The following BHLHE40 variants were observed in gnomAD, a reference collection of about 807,000 sequenced individuals.
BHLHE40 encodes the protein basic helix-loop-helix family member e40.
BHLHE40 carries 3 observed loss-of-function variants against 35.7 expected under a neutral mutation model. That is an observed-to-expected ratio of 0.08 (90% CI 0.04 to 0.22). BHLHE40 has a LOEUF of 0.22. BHLHE40 is among the 10% of genes least tolerant of loss of function. The pLI, the probability that BHLHE40 is intolerant of heterozygous loss-of-function variation, is 1.00. For missense variants in BHLHE40, 486 were observed against 524.0 expected (o/e 0.93, Z 0.71); for synonymous variants, 236 against 213.0 (o/e 1.11, Z -0.94).
intron 4 of BHLHE40, among the ~76,000 whole-genome samples, chr3:4,982,385 G>T (rs2053205414): frequency 1.3e-5 from 2 of 152,190 alleles, no homozygotes; most frequent in African/African-American, 2.4e-5. Context: ...GGTGATTGTT[G>T]TTTCTTCATT....
At chr3:4,981,585 T>C in intron 4 of BHLHE40, 70 bp downstream of exon 4, 1 of 1,556,598 alleles carries the variant, frequency 6.4e-7, no homozygotes, top group African/African-American at 1.4e-5. Flanking sequence ...GGGCTCAACA[T>C]CTGATGTAAT....
At chr3:4,982,084 T>C (rs1049757223) in intron 4 of BHLHE40, among the ~76,000 whole-genome samples, 1 of 152,246 alleles carries the variant, frequency 6.6e-6, no homozygotes, top group Non-Finnish European at 1.5e-5. Flanking sequence ...GTCAACCTTC[T>C]AACCTTCTAG....
Position 4,979,949 on chromosome 3 carries a change from TCTCTTCCTGCAGGATGTACCCTGCCCA to T in BHLHE40, c.81-11_96del. 6.2e-7 allele frequency: 1 copy of T among 1,614,036 alleles called. No homozygotes were observed. The highest frequency in any genetic ancestry group is 8.5e-7 in the Non-Finnish European group (1 of 1,179,944). On this transcript the variant is annotated splice_acceptor_variant and splice_polypyrimidine_tract_variant and coding_sequence_variant and intron_variant, in exon 2 of 5. Coordinates refer to ENST00000256495, the MANE Select transcript of BHLHE40 (RefSeq NM_003670.3). LOFTEE classifies it high-confidence loss of function. ...CAAGCAGTCACGACCCTTCCTGGTC[TCTCTTCCTGCAGGATGTACCCTGCCCA>T]CATGTACCAAGTGTACAAGTCAAGA... is the stretch of plus-strand genomic sequence containing the variant.
At chr3:4,980,188 C>T (rs568252614) in intron 2 of BHLHE40, 113 bp from the exon 3 acceptor site, 97 of 1,144,168 alleles carry the variant, frequency 8.5e-5, no homozygotes, top group Non-Finnish European at 1.2e-4. Flanking sequence ...GACGATGGTT[C>T]TGGGTGCTAC....
At position 4,979,561 on chromosome 3, in the gene BHLHE40, C is replaced by T; in HGVS notation, c.-158C>T. 1.3e-6 allele frequency: 1 copy of T among 777,392 alleles called. No individual in the cohort carries two copies. Among genetic ancestry groups the T allele is most frequent in the Non-Finnish European group, 2.0e-6 (1 of 493,982 alleles). The allele number at this position is 777,392 out of a possible 1,614,324, so 48.2% of individuals were successfully genotyped here. ...TGCACGCCCCCAACTGAAGCTGCATCTCAAAGCCGAAGATTCCAGCAGCCC... is the reference window on the plus strand; with the variant it reads ...TGCACGCCCCCAACTGAAGCTGCATTTCAAAGCCGAAGATTCCAGCAGCCC... On this transcript the variant is annotated 5_prime_UTR_variant, in exon 1 of 5. Transcript: ENST00000256495.
In BHLHE40 at chr3:4,983,973, C is replaced by T; in HGVS notation, c.*281C>T. 2.4e-6 allele frequency: 1 copy of T among 423,016 alleles called. No homozygotes were observed. Among genetic ancestry groups the T allele is most frequent in the Non-Finnish European group, 4.2e-6 (1 of 236,746 alleles). The allele number at this position is 423,016 out of a possible 1,614,324, so 26.2% of individuals were successfully genotyped here. The stretch of plus-strand genomic sequence containing the variant: ...TCAGGAGACTTGGGGGGGATTGTAG[C>T]AGACGTCTGGGCTTTTCCCCACCCA... On this transcript the variant is annotated 3_prime_UTR_variant, in exon 5 of 5. Transcript: ENST00000256495. The surrounding 1 kb of genome is among the most constrained non-coding windows in gnomAD (Gnocchi z 5.0).
chr3:4,983,850 G>GTGTGTGTA lies in BHLHE40; in HGVS notation c.*163_*164insGTATGTGT, dbSNP rs1553562125. 5.0e-4 allele frequency: 475 copies of GTGTGTGTA among 957,566 alleles called. 1 individual carries two copies. Among genetic ancestry groups the GTGTGTGTA allele is most frequent in the African/African-American group, 2.1e-3 (124 of 60,046 alleles). 59.3% of individuals were successfully genotyped at this position (957,566 alleles called of 1,614,324 possible). On this transcript the variant is annotated 3_prime_UTR_variant, in exon 5 of 5. Coordinates refer to ENST00000256495, the MANE Select transcript of BHLHE40 (RefSeq NM_003670.3). This position sits in a 1 kb window ranked among gnomAD's most constrained non-coding sequence, Gnocchi z 5.0. ...TCAGGGTGTGTGTGTGTGTGTGTGTGTGTGTATGTGCGTGTGCGTGCACAT... is the reference window on the plus strand; with the variant it reads ...TCAGGGTGTGTGTGTGTGTGTGTGTGTGTGTGTATGTGTATGTGCGTGTGCGTGCACAT...
At position 4,979,438 on chromosome 3, in the gene BHLHE40, T is replaced by A; in HGVS notation, c.-281T>A. 6.9e-6 allele frequency: 1 copy of A among 144,200 alleles called. No individual in the cohort carries two copies. Among genetic ancestry groups the A allele is most frequent in the Non-Finnish European group, 1.5e-5 (1 of 67,804 alleles). The allele number at this position is 144,200 out of a possible 1,614,324, so 8.9% of individuals were successfully genotyped here. ...GCCTCCCCGCCCGCCCCACTTCTCA[T>A]TCACTTGGCTCGCACGGCGCAGACA... On this transcript the variant is annotated 5_prime_UTR_variant, in exon 1 of 5. Transcript: ENST00000256495.
chr3:4,981,185 TACACACACACACAC>T (rs10549138), intron 3 of BHLHE40, among the ~76,000 whole-genome samples, 193 bp from the exon 4 acceptor site: 83 of 143,872 alleles, frequency 5.8e-4, no homozygotes, highest in South Asian at 2.8e-3. Flanking sequence ...TATATATATA[TACACACACACACAC>T]ACACACACAC....
At chr3:4,980,173 G>T in intron 2 of BHLHE40, 128 bp from the exon 3 acceptor site, 1 of 1,127,492 alleles carries the variant, frequency 8.9e-7, no homozygotes, top group Non-Finnish European at 1.3e-6. Flanking sequence ...GGAAAAGAAA[G>T]GGCAGACGAT....
Position 4,979,732 on chromosome 3 carries a change from C to G in BHLHE40, c.14C>G (p.Pro5Arg). ...GCTCGCCGCGCCATGGAGCGGATCC[C>G]CAGCGCGCAACCACCCCCCGCCTGC... MERI[P>R]SAQPPPACLP... Residue 5 changes from proline (P) to arginine (R), a missense_variant, in exon 1 of 5, where the codon CCC becomes CGC. Pro to Arg is a moderately radical substitution (Grantham distance 103). Around this residue, in one of 5 missense-constraint regions of BHLHE40, gnomAD observed 87 missense variants for 66.7 expected, o/e 1.30. Coordinates refer to ENST00000256495, the MANE Select transcript of BHLHE40 (RefSeq NM_003670.3). The G allele has an allele frequency of 6.4e-7, 1 of 1,567,074 alleles. No homozygotes were observed. The highest frequency in any genetic ancestry group is 8.6e-7 in the Non-Finnish European group (1 of 1,156,106).
At chr3:4,981,348 G>A in intron 3 of BHLHE40, 44 bp from the exon 4 acceptor site, 1 of 1,587,050 alleles carries the variant, frequency 6.3e-7, no homozygotes, top group Non-Finnish European at 8.6e-7. Context: ...CCAAAGGTGG[G>A]ACTTCTCTGA....
At chr3:4,981,169 A>C (rs945439475) in intron 3 of BHLHE40, among the ~76,000 whole-genome samples, 1 of 108,830 alleles carries the variant, frequency 9.2e-6, no homozygotes, top group Admixed American at 1.1e-4. Flanking sequence ...AATTATATAT[A>C]TATATTATAT....
rs146285805 is a variant in BHLHE40, at chr3:4,983,194, A to T, written c.741A>T (p.Gly247=). Residue 247 remains glycine (G), a synonymous_variant, in exon 5 of 5, where the codon GGA becomes GGT. Transcript: ENST00000256495. The surrounding 1 kb of genome is among the most constrained non-coding windows in gnomAD (Gnocchi z 5.0). Reference sequence around the variant, plus strand: ...CGGACACAGACAGTGGCTATGGAGGAGAATCGGAGAAGGGCGACTTGCGCA... The same window carrying T: ...CGGACACAGACAGTGGCTATGGAGGTGAATCGGAGAAGGGCGACTTGCGCA... ...SDTDTDSGYG[G]ESEKGDLRSE... 1.9e-6 allele frequency: 3 copies of T among 1,614,046 alleles called. No individual in the cohort carries two copies. In the African/African-American group the frequency reaches 4.0e-5, roughly 22 times the overall value.
chr3:4,983,010 G>C lies in BHLHE40; in HGVS notation c.557G>C (p.Gly186Ala). Reference sequence around the variant, plus strand: ...GTGGTCTCGGAGCTGCTGCAGGGTGGTACCTCCAGGAAGCCATCAGACCCA... The same window carrying C: ...GTGGTCTCGGAGCTGCTGCAGGGTGCTACCTCCAGGAAGCCATCAGACCCA... ...HRVVSELLQG[G>A]TSRKPSDPAP... Residue 186 changes from glycine (G) to alanine (A), a missense_variant, in exon 5 of 5, where the codon GGT becomes GCT. By Grantham distance (60) the Gly-to-Ala change is moderately conservative. Around this residue, in one of 5 missense-constraint regions of BHLHE40, gnomAD observed 176 missense variants for 180.5 expected, o/e 0.98. Coordinates refer to ENST00000256495, the MANE Select transcript of BHLHE40 (RefSeq NM_003670.3). The surrounding 1 kb of genome is among the most constrained non-coding windows in gnomAD (Gnocchi z 5.0). 1.2e-6 allele frequency: 2 copies of C among 1,613,674 alleles called. No homozygotes were observed. Among genetic ancestry groups the C allele is most frequent in the Non-Finnish European group, 1.7e-6 (2 of 1,179,650 alleles).
chr3:4,979,556 T>A lies in BHLHE40; in HGVS notation c.-163T>A, dbSNP rs558910060. 1.4e-6 allele frequency: 1 copy of A among 721,342 alleles called. No individual in the cohort carries two copies. Among genetic ancestry groups the A allele is most frequent in the East Asian group, 2.7e-5 (1 of 36,828 alleles). The allele number at this position is 721,342 out of a possible 1,614,324, so 44.7% of individuals were successfully genotyped here. ...GGCCATGCACGCCCCCAACTGAAGC[T>A]GCATCTCAAAGCCGAAGATTCCAGC... On this transcript the variant is annotated 5_prime_UTR_variant, in exon 1 of 5. Coordinates refer to ENST00000256495, the MANE Select transcript of BHLHE40 (RefSeq NM_003670.3).
intron 2 of BHLHE40, 63 bp downstream of exon 2, chr3:4,980,094 A>C: frequency 6.4e-7 from 1 of 1,573,354 alleles, no homozygotes. Context: ...GTTTCCAAGA[A>C]AAGTTTTCTC....
At chr3:4,980,176 C>A (rs983616793) in intron 2 of BHLHE40, 125 bp from the exon 3 acceptor site, 100 of 1,124,370 alleles carry the variant, frequency 8.9e-5, no homozygotes, top group Admixed American at 3.6e-4. Context: ...AAAGAAAGGG[C>A]AGACGATGGT....
At chr3:4,980,211 C>T in intron 2 of BHLHE40, 90 bp from the exon 3 acceptor site, 4 of 1,262,496 alleles carry the variant, frequency 3.2e-6, no homozygotes, top group Non-Finnish European at 4.6e-6. Flanking sequence ...TGCTACTCTG[C>T]TCCTCTGCCG....
Sources: gnomAD v4.1 joint callset for allele counts (sites outside exome capture counted in the v4.1 genomes callset) on GRCh38, gnomAD v4.1.1 for gene constraint, gnomAD v4.1.1 regional missense constraint, Gnocchi (gnomAD v3.1) non-coding constraint, MANE v1.5 for transcripts, NCBI Gene and HGNC (gene_info 2026-07-23, HGNC 2026-07-21) for gene names.